CNTN5: variants seen among roughly 807,000 people sequenced by gnomAD.
CNTN5 encodes contactin 5.
In CNTN5, 77 loss-of-function variants were observed where a neutral mutation model predicts 129.1. That is an observed-to-expected ratio of 0.60 (90% CI 0.50 to 0.72). The LOEUF is 0.72. CNTN5 is among the 30% of genes least tolerant of loss of function. CNTN5 has a pLI of 0.00. For missense variants in CNTN5, 1,478 were observed against 1,328.8 expected, an observed-to-expected ratio of 1.11 and a Z score of -1.75; for synonymous variants, 509 against 465.6, an observed-to-expected ratio of 1.09 and a Z score of -1.20.
At chr11:99,401,818 T>G (rs1941825611) in intron 2 of CNTN5, among the ~76,000 whole-genome samples, 1 of 151,306 alleles carries the variant, frequency 6.6e-6, no homozygotes, top group Non-Finnish European at 1.5e-5. Flanking sequence ...ACTTAATGCC[T>G]AGATGTTTAA....
At chr11:100,163,835 ATTGCTGTTACTCCTATGT>A (rs1947535328) in intron 13 of CNTN5, among the ~76,000 whole-genome samples, 1 of 151,902 alleles carries the variant, frequency 6.6e-6, no homozygotes, top group African/African-American at 2.4e-5. Context: ...AATCAAAATC[ATTGCTGTTACTCCTATGT>A]ACCAGACACT....
Position 99,946,517 on chromosome 11 carries a change from C to G in CNTN5, c.674-10289C>G, listed in dbSNP as rs144676022. On this transcript the variant is annotated intron_variant, in intron 7 of 24. Transcript: ENST00000524871. Reference sequence around the variant, plus strand: ...TTGGAATTAGAAAAACTGATAAAGACTGACAGTATGGGAACTGACCAAGGG... The same window carrying G: ...TTGGAATTAGAAAAACTGATAAAGAGTGACAGTATGGGAACTGACCAAGGG... Among the ~76,000 whole-genome samples the G allele has an allele frequency of 5.7e-4, 87 of 152,174 alleles. 3 individuals are homozygous for G. The East Asian group carries it at 0.012, about 20-fold the overall frequency.
intron 2 of CNTN5, among the ~76,000 whole-genome samples, chr11:99,333,921 A>G (rs1866107475): frequency 6.6e-6 from 1 of 151,826 alleles, no homozygotes; most frequent in African/African-American, 2.4e-5. Flanking sequence ...TCTCAAAGCT[A>G]TGGGTAAAAA....
intron 13 of CNTN5, 108 bp downstream of exon 13, chr11:100,074,402 T>C: frequency 1.0e-6 from 1 of 960,938 alleles, no homozygotes. Flanking sequence ...GAGACGTATT[T>C]TATGAACTGA....
chr11:100,307,582 C>T (rs1397812179), intron 20 of CNTN5, among the ~76,000 whole-genome samples: 5 of 151,554 alleles, frequency 3.3e-5, no homozygotes, highest in Admixed American at 1.3e-4. Flanking sequence ...TTTTGAGCCA[C>T]GGCACTGAAC....
intron 6 of CNTN5, among the ~76,000 whole-genome samples, chr11:99,871,183 A>G (rs1248482102): frequency 6.6e-6 from 1 of 152,108 alleles, no homozygotes; most frequent in Non-Finnish European, 1.5e-5. Flanking sequence ...ACTAAGCCCT[A>G]GGTAATAAAA....
At chr11:100,040,855 A>G (rs1444834583) in intron 9 of CNTN5, among the ~76,000 whole-genome samples, 3 of 152,046 alleles carry the variant, frequency 2.0e-5, no homozygotes, top group African/African-American at 7.2e-5. Flanking sequence ...GAGTGATCCA[A>G]TTTTCCAGGT....
At chr11:99,455,709 G>T (rs893617424) in intron 2 of CNTN5, among the ~76,000 whole-genome samples, 1 of 151,716 alleles carries the variant, frequency 6.6e-6, no homozygotes, top group Admixed American at 6.6e-5. Flanking sequence ...GCCGCAGTAG[G>T]AATTGTATGA....
chr11:99,467,260 AC>A (rs1944981709), intron 2 of CNTN5, among the ~76,000 whole-genome samples: 1 of 151,998 alleles, frequency 6.6e-6, no homozygotes, highest in Non-Finnish European at 1.5e-5. Context: ...TTTCTTGGGA[AC>A]TTTTACCTGT....
Position 99,231,570 on chromosome 11 carries a change from T to C in CNTN5, c.-209-93776T>C, listed in dbSNP as rs182536527. 3.3e-3 allele frequency among the ~76,000 whole-genome samples: 507 copies of C among 152,334 alleles called. 2 individuals are homozygous for C. Among genetic ancestry groups the C allele is most frequent in the Admixed American group, 5.5e-3 (84 of 15,298 alleles). ...ATTAAACCTTTGTCCAATGGATAGA[T>C]TGCAAAAATTTTCTCCCATTCTGTA... On this transcript the variant is annotated intron_variant, in intron 1 of 24. Coordinates refer to ENST00000524871, the MANE Select transcript of CNTN5 (RefSeq NM_014361.4).
At chr11:99,257,567 T>C (rs183464817) in intron 1 of CNTN5, among the ~76,000 whole-genome samples, 1 of 152,092 alleles carries the variant, frequency 6.6e-6, no homozygotes, top group African/African-American at 2.4e-5. Context: ...AAAAAAGGTG[T>C]AATTTTTTAT....
chr11:99,297,121 T>A (rs958194702), intron 1 of CNTN5, among the ~76,000 whole-genome samples: 2 of 152,200 alleles, frequency 1.3e-5, no homozygotes, highest in Non-Finnish European at 2.9e-5. Flanking sequence ...TAGAGCTAAC[T>A]ATGACATAAA....
chr11:99,109,890 T>A (rs765396782), intron 1 of CNTN5, among the ~76,000 whole-genome samples: 10 of 152,160 alleles, frequency 6.6e-5, no homozygotes, highest in Non-Finnish European at 8.8e-5. Flanking sequence ...AACATTTCAT[T>A]CTGTTTTTCC....
rs565143956 is a variant in CNTN5, at chr11:99,806,428, G to C, written c.56-13116G>C. 2.4e-4 allele frequency among the ~76,000 whole-genome samples: 36 copies of C among 152,268 alleles called. No individual in the cohort carries two copies. In the South Asian group the frequency reaches 6.8e-3, roughly 29 times the overall value. ...GTAAATATATAAATACTATGTATGTGAGTGAGTGTGTGTGTGTATTGTCTT... is the reference window on the plus strand; with the variant it reads ...GTAAATATATAAATACTATGTATGTCAGTGAGTGTGTGTGTGTATTGTCTT... On this transcript the variant is annotated intron_variant, in intron 3 of 24. Coordinates refer to ENST00000524871, the MANE Select transcript of CNTN5 (RefSeq NM_014361.4).
At chr11:99,338,167 C>G (rs540744893) in intron 2 of CNTN5, among the ~76,000 whole-genome samples, 1 of 152,204 alleles carries the variant, frequency 6.6e-6, no homozygotes, top group East Asian at 1.9e-4. Flanking sequence ...TTTAAATATG[C>G]AACACAATGA....
At chr11:99,422,255 G>A (rs992327234) in intron 2 of CNTN5, among the ~76,000 whole-genome samples, 1 of 151,946 alleles carries the variant, frequency 6.6e-6, no homozygotes, top group East Asian at 1.9e-4. Flanking sequence ...GGGTTAATTA[G>A]CTTGATATTT....
intron 1 of CNTN5, among the ~76,000 whole-genome samples, chr11:99,284,387 C>T (rs890824414): frequency 3.3e-5 from 5 of 152,008 alleles, no homozygotes; most frequent in South Asian, 4.1e-4. Context: ...TTATTCAACA[C>T]TTTTTCTGTT....
chr11:99,364,187 G>C (rs1306644183), intron 2 of CNTN5, among the ~76,000 whole-genome samples: 2 of 152,074 alleles, frequency 1.3e-5, no homozygotes, highest in Non-Finnish European at 2.9e-5. Context: ...TGTGATAATT[G>C]TGTTTATTTT....
At chr11:99,250,271 G>C (rs1862032141) in intron 1 of CNTN5, among the ~76,000 whole-genome samples, 1 of 151,948 alleles carries the variant, frequency 6.6e-6, no homozygotes, top group Non-Finnish European at 1.5e-5. Context: ...ACTTAACAGA[G>C]ATCACTTTAG....
Sources: gnomAD v4.1 joint callset for allele counts (sites outside exome capture counted in the v4.1 genomes callset) on GRCh38, gnomAD v4.1.1 for gene constraint, MANE v1.5 for transcripts, NCBI Gene and HGNC (gene_info 2026-07-23, HGNC 2026-07-21) for gene names.